Variants in SFXN5 observed in about 807,000 individuals in gnomAD.
SFXN5 encodes sideroflexin 5.
In SFXN5, 43 loss-of-function variants were observed where a neutral mutation model predicts 50.2. That is an observed-to-expected ratio of 0.86 (90% CI 0.67 to 1.11). The LOEUF (loss-of-function observed/expected upper bound fraction) is 1.11. SFXN5 is among the 50% of genes least tolerant of loss of function. The pLI is 0.00. For synonymous variants in SFXN5, 203 were observed against 185.8 expected, an observed-to-expected ratio of 1.09 and a Z score of -0.75; for missense variants, 463 against 454.1, an observed-to-expected ratio of 1.02 and a Z score of -0.18.
chr2:72,956,978 A>T (rs1559084517), intron 13 of SFXN5: 2 of 456,414 alleles, frequency 4.4e-6, no homozygotes, highest in Non-Finnish European at 8.8e-6. Flanking sequence ...CTCTGCACTC[A>T]CCCACTCTGG....
chr2:72,967,135 A>G (rs1573980168), intron 12 of SFXN5: 1 of 152,166 alleles, frequency 6.6e-6, no homozygotes, highest in Admixed American at 6.5e-5. Context: ...TCCTCTCCTC[A>G]GCTGTAGAAT....
At chr2:73,035,493 C>CTTTTTTTTTTT (rs761321478) in intron 3 of SFXN5, among the ~76,000 whole-genome samples, 2 of 101,844 alleles carry the variant, frequency 2.0e-5, no homozygotes, top group Admixed American at 1.2e-4. Flanking sequence ...GTATCGCAAT[C>CTTTTTTTTTTT]TTTTTTTTTT....
rs1433383880 is a variant in SFXN5 at position 72,961,364 on chromosome 2, G to A, written c.828-116C>T. ...GCCCAGGAAGCGTGGTTCCGGGGCA[G>A]TGCCAGTGTGCAGCTAAACAGATAT... On this transcript the variant is annotated intron_variant, in intron 12 of 13. Transcript: ENST00000272433. The surrounding 1 kb of genome is among the most constrained non-coding windows in gnomAD (Gnocchi z 4.4). 4.9e-6 allele frequency: 3 copies of A among 610,002 alleles called. No homozygotes were observed. Among genetic ancestry groups the A allele is most frequent in the Middle Eastern group, 4.5e-4 (1 of 2,232 alleles). The allele number at this position is 610,002 out of a possible 1,614,324, so 37.8% of individuals were successfully genotyped here. A position where few individuals can be genotyped will look rare whatever the true frequency, so the allele number is the denominator to read the frequency against.
chr2:73,035,294 G>A (rs1200075738), intron 3 of SFXN5, among the ~76,000 whole-genome samples: 1 of 152,128 alleles, frequency 6.6e-6, no homozygotes, highest in Admixed American at 6.5e-5. Context: ...CAAGTGTACA[G>A]ATCAGAGTCA....
In SFXN5 at chr2:72,961,103, C is replaced by G. The variant is rs761608324; in HGVS notation, c.945+28G>C. The G allele has an allele frequency of 6.8e-7, 1 of 1,473,630 alleles. No individual in the cohort carries two copies. The highest frequency in any genetic ancestry group is 9.2e-7 in the Non-Finnish European group (1 of 1,090,580). The allele number at this position is 1,473,630 out of a possible 1,614,324, so 91.3% of individuals were successfully genotyped here. ...TCACCAAACAGCACCCCCTGCCCTG[C>G]CCTGCCCTTGAGCCCCTCCCCACTG... On this transcript the variant is annotated intron_variant, in intron 13 of 13. Transcript: ENST00000272433. The surrounding 1 kb of genome is among the most constrained non-coding windows in gnomAD (Gnocchi z 4.4).
chr2:72,971,495 A>G, intron 11 of SFXN5, 75 bp downstream of exon 11: 2 of 1,022,266 alleles, frequency 2.0e-6, no homozygotes, highest in Non-Finnish European at 3.0e-6. Context: ...AAGCCTGTGG[A>G]AGACACACGC....
At chr2:72,965,896 C>G (rs370773688) in intron 12 of SFXN5, among the ~76,000 whole-genome samples, 1 of 152,184 alleles carries the variant, frequency 6.6e-6, no homozygotes, top group Non-Finnish European at 1.5e-5. Context: ...CCCCGCCCCC[C>G]GCCTTCTTGT....
intron 10 of SFXN5, among the ~76,000 whole-genome samples, chr2:72,975,681 T>C (rs1670548293): frequency 6.6e-6 from 1 of 152,266 alleles, no homozygotes; most frequent in African/African-American, 2.4e-5. Context: ...TATCCATTCA[T>C]TCAAGTGTCA....
At position 73,044,094 on chromosome 2, in the gene SFXN5, T is replaced by C. The variant is rs143704182; in HGVS notation, c.172-3163A>G. On this transcript the variant is annotated intron_variant, in intron 2 of 13. Coordinates refer to ENST00000272433, the MANE Select transcript of SFXN5 (RefSeq NM_144579.3). The stretch of plus-strand genomic sequence containing the variant: ...ACGCTGAATGGTGAATGGCCCCATG[T>C]TCTCATTATTTTTCCCACTCCAGGG... Among the ~76,000 whole-genome samples, 17 of 152,272 alleles carry C rather than the reference T, an allele frequency of 1.1e-4. No homozygotes were observed. In the East Asian group the frequency reaches 3.3e-3, roughly 29 times the overall value.
chr2:73,042,298 A>G (rs564621001), intron 2 of SFXN5, among the ~76,000 whole-genome samples: 2 of 152,322 alleles, frequency 1.3e-5, no homozygotes, highest in African/African-American at 4.8e-5. Flanking sequence ...TATGCACACT[A>G]TAACTATTAT....
At position 73,060,754 on chromosome 2, in the gene SFXN5, T is replaced by A. The variant is rs1222291370; in HGVS notation, c.103-2158A>T. On this transcript the variant is annotated intron_variant, in intron 1 of 13. Transcript: ENST00000272433. ...TCTAACTCTGTTGCCCAGGCTGGAG[T>A]GCAGTGGCACGATCTCAGCTCACTG... Among the ~76,000 whole-genome samples the A allele has an allele frequency of 2.0e-5, 3 of 150,298 alleles. No individual in the cohort carries two copies. The East Asian group carries it at 6.0e-4, about 30-fold the overall frequency.
At chr2:73,032,833 T>C (rs907848965) in intron 3 of SFXN5, among the ~76,000 whole-genome samples, 2 of 152,202 alleles carry the variant, frequency 1.3e-5, no homozygotes, top group South Asian at 2.1e-4. Flanking sequence ...CAAAAAAAAC[T>C]TCCTAATTTA....
chr2:72,971,340 G>T (rs929909570), intron 11 of SFXN5, among the ~76,000 whole-genome samples: 1 of 150,548 alleles, frequency 6.6e-6, no homozygotes, highest in Non-Finnish European at 1.5e-5. Context: ...GAGGGGCTGC[G>T]ATAAGAGACA....
intron 8 of SFXN5, 42 bp downstream of exon 8, chr2:73,000,389 T>C (rs368259333): frequency 1.9e-5 from 30 of 1,546,124 alleles, no homozygotes; most frequent in Non-Finnish European, 2.5e-5. Context: ...TGGGCCTCCC[T>C]AGCCTGAACC....
At chr2:72,947,737 C>A (rs1292630026) in intron 13 of SFXN5, among the ~76,000 whole-genome samples, 1 of 152,136 alleles carries the variant, frequency 6.6e-6, no homozygotes, top group Non-Finnish European at 1.5e-5. Flanking sequence ...AGTCTGGTCA[C>A]CCGAGAGGGC....
chr2:72,974,344 C>T (rs993124007), intron 10 of SFXN5, among the ~76,000 whole-genome samples: 1 of 152,188 alleles, frequency 6.6e-6, no homozygotes, highest in African/African-American at 2.4e-5. Context: ...AAACATTAAA[C>T]ATGCGGCGAG....
intron 3 of SFXN5, among the ~76,000 whole-genome samples, chr2:73,036,950 G>A (rs988742223): frequency 1.3e-5 from 2 of 152,186 alleles, no homozygotes; most frequent in Admixed American, 6.5e-5. Context: ...CAGTGCACAC[G>A]CCTTCAGATG....
chr2:73,011,509 G>C (rs1001504923), intron 6 of SFXN5, among the ~76,000 whole-genome samples: 3 of 152,190 alleles, frequency 2.0e-5, no homozygotes, highest in Non-Finnish European at 4.4e-5. Flanking sequence ...GAAGAGACGT[G>C]CCATATATAT....
rs143994620 is a variant in SFXN5, at chr2:72,962,831, A to G, written c.828-1583T>C. On this transcript the variant is annotated intron_variant, in intron 12 of 13. Transcript: ENST00000272433. Reference sequence around the variant, plus strand: ...CAGGCCCAGACCGCAAGGTTTGTCCAGCTGCTAAATCCGGCCTGAATTAAG... The same window carrying G: ...CAGGCCCAGACCGCAAGGTTTGTCCGGCTGCTAAATCCGGCCTGAATTAAG... Among the ~76,000 whole-genome samples the G allele has an allele frequency of 5.9e-3, 899 of 152,302 alleles. 8 individuals are homozygous for G. Among genetic ancestry groups the G allele is most frequent in the Admixed American group, 9.0e-3 (137 of 15,302 alleles).
Sources: allele counts gnomAD v4.1 joint callset (sites outside exome capture counted in the v4.1 genomes callset), GRCh38; gene constraint gnomAD v4.1.1; non-coding constraint Gnocchi (gnomAD v3.1); transcripts MANE v1.5; gene names NCBI Gene and HGNC (gene_info 2026-07-23, HGNC 2026-07-21).